IFT56: variants seen among roughly 807,000 people sequenced by gnomAD.
IFT56 encodes the protein intraflagellar transport 56.
At chr7:139,174,092 G>T in the IFT56 span, 1 of 600,632 alleles carries the variant, frequency 1.7e-6, no homozygotes, top group Non-Finnish European at 3.3e-6. Flanking sequence ...CTGCTCAGGC[G>T]AGCTACAGCT....
At chr7:139,148,275 A>G in the IFT56 span, 1 of 1,613,902 alleles carries the variant, frequency 6.2e-7, no homozygotes. Flanking sequence ...ATGTGTCTCA[A>G]GAAGTTTTGG....
the IFT56 span, among the ~76,000 whole-genome samples, chr7:139,154,036 G>T: frequency 3.9e-5 from 6 of 152,130 alleles, no homozygotes; most frequent in African/African-American, 1.2e-4. Context: ...CCATTCTAGT[G>T]GTGTGAAGTG....
At chr7:139,149,178 G>A in the IFT56 span, among the ~76,000 whole-genome samples, 27 of 151,764 alleles carry the variant, frequency 1.8e-4, no homozygotes, top group East Asian at 5.9e-4. Context: ...GGTGGCGGGC[G>A]CCTGTAGTCC....
At chr7:139,134,838 G>C in the IFT56 span, 1 of 1,585,720 alleles carries the variant, frequency 6.3e-7, no homozygotes, top group South Asian at 1.1e-5. Flanking sequence ...ATACCAGACT[G>C]TAGATGAATG....
chr7:139,164,360 T>C, the IFT56 span, among the ~76,000 whole-genome samples: 1 of 152,240 alleles, frequency 6.6e-6, no homozygotes, highest in Non-Finnish European at 1.5e-5. Context: ...AATTCCTTTA[T>C]GGAGTTTTTG....
the IFT56 span, among the ~76,000 whole-genome samples, chr7:139,182,402 G>T: frequency 1.3e-5 from 2 of 152,132 alleles, no homozygotes; most frequent in African/African-American, 4.8e-5. Flanking sequence ...CTTGGTGGGT[G>T]GCAATGCTCT....
the IFT56 span, chr7:139,172,761 G>A: frequency 4.7e-6 from 3 of 635,172 alleles, no homozygotes; most frequent in African/African-American, 1.8e-5. Context: ...TGGTCACCTG[G>A]TGGGTAATTG....
At chr7:139,183,014 T>C in the IFT56 span, among the ~76,000 whole-genome samples, 1 of 152,034 alleles carries the variant, frequency 6.6e-6, no homozygotes, top group Admixed American at 6.6e-5. Flanking sequence ...AAAAATGTAG[T>C]GCTAACTTAA....
At chr7:139,174,233 CT>C in the IFT56 span, 9 of 587,614 alleles carry the variant, frequency 1.5e-5, no homozygotes, top group East Asian at 4.5e-5. Context: ...ATCTTTCTGC[CT>C]TTTTTGTCTT....
At chr7:139,160,349 A>G in the IFT56 span, among the ~76,000 whole-genome samples, 1 of 152,220 alleles carries the variant, frequency 6.6e-6, no homozygotes, top group Non-Finnish European at 1.5e-5. Flanking sequence ...TGACACTGAA[A>G]GAAAAAACTA....
chr7:139,178,107 A>G, the IFT56 span: 1 of 769,462 alleles, frequency 1.3e-6, no homozygotes, highest in African/African-American at 1.8e-5. Flanking sequence ...CTAGAAAGAT[A>G]TTTTGGAATA....
At chr7:139,184,805 A>T in the IFT56 span, among the ~76,000 whole-genome samples, 128 of 150,896 alleles carry the variant, frequency 8.5e-4, 2 homozygotes, top group African/African-American at 3.1e-3. Flanking sequence ...CTGTAATCCC[A>T]GCACTTTGGG....
the IFT56 span, chr7:139,168,484 A>T: frequency 2.2e-6 from 2 of 925,888 alleles, no homozygotes; most frequent in African/African-American, 1.6e-5. Flanking sequence ...TGCAAGCAGC[A>T]ATAGGCTCTC....
chr7:139,185,368 G>A, the IFT56 span, among the ~76,000 whole-genome samples: 9 of 151,948 alleles, frequency 5.9e-5, no homozygotes, highest in Admixed American at 3.9e-4. Flanking sequence ...TGTAACCTTT[G>A]GAGGAAACTA....
the IFT56 span, chr7:139,189,412 G>T: frequency 1.2e-6 from 2 of 1,612,786 alleles, no homozygotes; most frequent in Non-Finnish European, 1.7e-6. Context: ...ATGGGCCAAA[G>T]AAAACAGAGT....
At chr7:139,137,573 A>G in the IFT56 span, among the ~76,000 whole-genome samples, 1 of 152,216 alleles carries the variant, frequency 6.6e-6, no homozygotes, top group African/African-American at 2.4e-5. Flanking sequence ...TCTCTTCCTT[A>G]TATATCACCC....
chr7:139,187,460 C>T, the IFT56 span: 14 of 1,614,026 alleles, frequency 8.7e-6, no homozygotes, highest in Non-Finnish European at 1.2e-5. Context: ...GAGGCTGGAT[C>T]CTAACCCTGA....
At chr7:139,159,588 T>C in the IFT56 span, among the ~76,000 whole-genome samples, 1 of 152,188 alleles carries the variant, frequency 6.6e-6, no homozygotes, top group Non-Finnish European at 1.5e-5. Context: ...TTTTTGTCCT[T>C]GTCACCTGGC....
the IFT56 span, chr7:139,142,155 T>C: frequency 8.2e-7 from 1 of 1,217,424 alleles, no homozygotes; most frequent in African/African-American, 1.5e-5. Context: ...TAGGATCAGA[T>C]GAGTAAGGTT....
Sources: allele counts gnomAD v4.1 joint callset (sites outside exome capture counted in the v4.1 genomes callset), GRCh38; gene constraint gnomAD v4.1.1; transcripts MANE v1.5; gene names NCBI Gene and HGNC (gene_info 2026-07-23, HGNC 2026-07-21).